Variants in LYPD6B observed in about 807,000 individuals in gnomAD.
LYPD6B encodes LY6/PLAUR domain containing 6B.
LYPD6B carries 17 observed loss-of-function variants against 22.8 expected under a neutral mutation model. The ratio of observed to expected loss-of-function variants is 0.75; its 90% CI spans 0.51 to 1.12. The LOEUF (loss-of-function observed/expected upper bound fraction) is 1.12. Among genes scored for constraint, LYPD6B ranks in the 50% most tolerant of loss-of-function variants. The probability of loss-of-function intolerance (pLI) is 0.00; values close to 1 mark genes in which losing one functional copy is unlikely to be tolerated. For missense variants in LYPD6B, 221 were observed against 258.3 expected (o/e 0.86, Z 0.99); for synonymous variants, 106 against 91.6 (o/e 1.16, Z -0.90).
intron 1 of LYPD6B, chr2:149,068,665 T>A: frequency 1.8e-6 from 1 of 545,268 alleles, no homozygotes; most frequent in Non-Finnish European, 3.7e-6. Context: ...CTACCTTTTG[T>A]CCCTTCTTAA....
chr2:149,059,585 C>T (rs1245434594), intron 1 of LYPD6B, among the ~76,000 whole-genome samples: 3 of 152,232 alleles, frequency 2.0e-5, no homozygotes, highest in African/African-American at 7.2e-5. Context: ...TCTCCTGTCT[C>T]CGTATCCATT....
chr2:149,187,771 T>C, intron 3 of LYPD6B: 1 of 408,674 alleles, frequency 2.4e-6, no homozygotes, highest in Admixed American at 4.2e-5. Flanking sequence ...TCTCAAAATG[T>C]TTTAAGAAAG....
At chr2:149,071,545 A>G (rs1422333833) in intron 1 of LYPD6B, among the ~76,000 whole-genome samples, 2 of 152,224 alleles carry the variant, frequency 1.3e-5, no homozygotes, top group African/African-American at 2.4e-5. Context: ...TACTCTAGCT[A>G]TAGAAATAGG....
intron 4 of LYPD6B, among the ~76,000 whole-genome samples, chr2:149,207,108 TGTAA>T (rs765639889): frequency 2.6e-5 from 4 of 152,188 alleles, no homozygotes; most frequent in African/African-American, 9.6e-5. Context: ...CAGCATTGAC[TGTAA>T]GTATTTTTTA....
At chr2:149,180,539 A>G (rs894801898) in intron 3 of LYPD6B, among the ~76,000 whole-genome samples, 4 of 152,328 alleles carry the variant, frequency 2.6e-5, no homozygotes, top group South Asian at 4.1e-4. Context: ...AAAAGAAATT[A>G]TGAAGTGTTG....
intron 1 of LYPD6B, among the ~76,000 whole-genome samples, chr2:149,080,368 A>G (rs1372423759): frequency 6.6e-6 from 1 of 152,246 alleles, no homozygotes; most frequent in African/African-American, 2.4e-5. Flanking sequence ...TACATCTGCA[A>G]TGGACCTGTT....
At chr2:149,099,021 T>C (rs1334731277) in intron 1 of LYPD6B, among the ~76,000 whole-genome samples, 2 of 152,210 alleles carry the variant, frequency 1.3e-5, no homozygotes, top group Non-Finnish European at 2.9e-5. Flanking sequence ...TAACTGTTGA[T>C]GAACTGAACT....
At chr2:149,158,222 AAAG>A (rs1689828083) in intron 2 of LYPD6B, among the ~76,000 whole-genome samples, 2 of 152,174 alleles carry the variant, frequency 1.3e-5, no homozygotes. Context: ...AATATTTTAA[AAAG>A]ACTTTTCACA....
At chr2:149,092,155 T>C (rs34974803) in intron 1 of LYPD6B, among the ~76,000 whole-genome samples, 5,295 of 151,818 alleles carry the variant, frequency 0.035, 141 homozygotes, top group Non-Finnish European at 0.051. Context: ...GCTGGAAAGA[T>C]AGGAAATGGG....
intron 3 of LYPD6B, among the ~76,000 whole-genome samples, chr2:149,175,057 C>G (rs142875067): frequency 0.33 from 41,036 of 125,774 alleles, 6,758 homozygotes; most frequent in Non-Finnish European, 0.4. Flanking sequence ...CTCTCTCTCT[C>G]TCTCTGTGTG....
At chr2:149,132,116 T>C (rs1304680354) in intron 2 of LYPD6B, among the ~76,000 whole-genome samples, 1 of 151,914 alleles carries the variant, frequency 6.6e-6, no homozygotes, top group Non-Finnish European at 1.5e-5. Context: ...GCTGGTTGCA[T>C]AGAATCAAAT....
At chr2:149,057,555 C>T (rs12622062) in intron 1 of LYPD6B, among the ~76,000 whole-genome samples, 81,164 of 151,870 alleles carry the variant, frequency 0.53, 22,037 homozygotes, top group East Asian at 0.83. Flanking sequence ...GCCTTGTAAG[C>T]GGTTTGTAAA....
At chr2:149,108,853 T>C (rs968704691) in intron 1 of LYPD6B, among the ~76,000 whole-genome samples, 6 of 152,156 alleles carry the variant, frequency 3.9e-5, no homozygotes, top group Non-Finnish European at 8.8e-5. Context: ...GTTATGCCTG[T>C]TTGTTTTATT....
chr2:149,137,829 G>A (rs1688462055), intron 2 of LYPD6B, among the ~76,000 whole-genome samples: 1 of 152,064 alleles, frequency 6.6e-6, no homozygotes, highest in Non-Finnish European at 1.5e-5. Flanking sequence ...AAGTAAACTT[G>A]CTGGGTCAAA....
intron 1 of LYPD6B, among the ~76,000 whole-genome samples, chr2:149,123,064 G>A (rs1381080208): frequency 2.0e-5 from 3 of 152,144 alleles, no homozygotes; most frequent in African/African-American, 7.2e-5. Flanking sequence ...CACACAGAAG[G>A]CTGATGAAGA....
intron 1 of LYPD6B, among the ~76,000 whole-genome samples, chr2:149,055,897 C>T (rs992025458): frequency 6.6e-6 from 1 of 152,226 alleles, no homozygotes; most frequent in Admixed American, 6.5e-5. Flanking sequence ...CTAGAAAAGA[C>T]AGCACATAGT....
At chr2:149,167,281 T>A (rs1242876019) in intron 3 of LYPD6B, among the ~76,000 whole-genome samples, 2 of 152,112 alleles carry the variant, frequency 1.3e-5, no homozygotes, top group Non-Finnish European at 1.5e-5. Flanking sequence ...GCAGGAAGCG[T>A]CTTTTGTTTC....
intron 3 of LYPD6B, among the ~76,000 whole-genome samples, chr2:149,194,244 C>T (rs935589455): frequency 1.3e-5 from 2 of 152,096 alleles, no homozygotes; most frequent in African/African-American, 4.8e-5. Flanking sequence ...AACAATTGCC[C>T]TTACACTTCA....
intron 2 of LYPD6B, chr2:149,160,408 A>G (rs1417240404): frequency 2.2e-6 from 1 of 464,278 alleles, no homozygotes; most frequent in African/African-American, 2.0e-5. Flanking sequence ...AAATACCCTG[A>G]TATATGCCAG....
Sources: allele counts gnomAD v4.1 joint callset (sites outside exome capture counted in the v4.1 genomes callset), GRCh38; gene constraint gnomAD v4.1.1; transcripts MANE v1.5; gene names NCBI Gene and HGNC (gene_info 2026-07-23, HGNC 2026-07-21).